Variants in HMGN5 observed in about 807,000 individuals in gnomAD.
HMGN5 encodes the protein high mobility group nucleosome binding domain 5.
HMGN5 carries 4 observed loss-of-function variants against 9.5 expected under a neutral mutation model. The observed-to-expected ratio is 0.42, with a 90% CI of 0.21 to 0.96. The LOEUF is 0.96. Among genes scored for constraint, HMGN5 ranks in the 40% least tolerant of loss-of-function variants. The pLI, the probability that HMGN5 is intolerant of heterozygous loss-of-function variation, is 0.30. For synonymous variants in HMGN5, 55 were observed against 57.1 expected (o/e 0.96, Z 0.16); for missense variants, 192 against 187.5 (o/e 1.02, Z -0.14).
chrX:81,201,570 C>T (rs957253043), intron 1 of HMGN5, among the ~76,000 whole-genome samples, 167 bp downstream of exon 1: 17 of 112,115 alleles, frequency 1.5e-4, no homozygotes, highest in Non-Finnish European at 3.8e-5. Context: ...GAAAACCAAT[C>T]CTGCCATTTC....
At chrX:81,144,793 A>AGAAGAACATAAATGACCTGATGGAGCT (rs2075338936) in intron 1 of HMGN5, among the ~76,000 whole-genome samples, 2 of 112,045 alleles carry the variant, frequency 1.8e-5, no homozygotes, top group Non-Finnish European at 3.8e-5. Context: ...ACCAGTTTAG[A>AGAAGAACATAAATGACCTGATGGAGCT]GAAGAACATA....
At chrX:81,146,164 A>G (rs999295669) in intron 1 of HMGN5, among the ~76,000 whole-genome samples, 6 of 111,921 alleles carry the variant, frequency 5.4e-5, no homozygotes, top group Non-Finnish European at 7.5e-5. Flanking sequence ...AAAGACATCT[A>G]CAGAACTCTC....
chrX:81,141,492 A>AGAGAGAAAG (rs2075329775), intron 1 of HMGN5, among the ~76,000 whole-genome samples: 1 of 47,784 alleles, frequency 2.1e-5, no homozygotes, highest in South Asian at 8.4e-4. Flanking sequence ...GAGAGAGAGA[A>AGAGAGAAAG]AGAGAGAGAG....
intron 1 of HMGN5, among the ~76,000 whole-genome samples, chrX:81,153,635 AT>A (rs2075374809): frequency 2.2e-5 from 1 of 44,556 alleles, no homozygotes; most frequent in African/African-American, 8.8e-5. Context: ...ATATATATAT[AT>A]ATATGTATCT....
intron 1 of HMGN5, among the ~76,000 whole-genome samples, chrX:81,124,545 C>T (rs182856883): frequency 8.9e-6 from 1 of 112,116 alleles, no homozygotes; most frequent in African/African-American, 3.2e-5. Context: ...TTTTTCCCAA[C>T]CACTCCATCA....
At chrX:81,177,670 A>G (rs1668008027) in intron 1 of HMGN5, among the ~76,000 whole-genome samples, 1 of 110,893 alleles carries the variant, frequency 9.0e-6, no homozygotes. Context: ...AAGAAGGTTA[A>G]CAAGGATATC....
intron 1 of HMGN5, among the ~76,000 whole-genome samples, chrX:81,169,979 A>AGGAGGC (rs1439688887): frequency 1.9e-5 from 2 of 103,854 alleles, no homozygotes; most frequent in African/African-American, 3.5e-5. Context: ...ACTTGAACCC[A>AGGAGGC]GGAGGCGGAG....
At chrX:81,167,757 A>T (rs1274119526) in intron 1 of HMGN5, among the ~76,000 whole-genome samples, 2 of 112,132 alleles carry the variant, frequency 1.8e-5, no homozygotes, top group Non-Finnish European at 3.8e-5. Flanking sequence ...AAGTAGAAAC[A>T]TTTGATTTTT....
chrX:81,190,890 T>A lies in HMGN5; in HGVS notation c.-124+10847A>T, dbSNP rs747318683. 1.4e-4 allele frequency among the ~76,000 whole-genome samples: 16 copies of A among 111,613 alleles called. 1 individual carries two copies. The South Asian group carries it at 5.7e-3, about 39-fold the overall frequency. ...GGTCAGTTGACTGTATTAATGTAGGTCTATTTCTAGGCTCTCTAGTCTATT... is the reference window on the plus strand; with the variant it reads ...GGTCAGTTGACTGTATTAATGTAGGACTATTTCTAGGCTCTCTAGTCTATT... On this transcript the variant is annotated intron_variant, in intron 1 of 6. Coordinates refer to ENST00000358130, the MANE Select transcript of HMGN5 (RefSeq NM_030763.3).
intron 1 of HMGN5, among the ~76,000 whole-genome samples, chrX:81,138,025 T>A (rs1011884439): frequency 8.9e-6 from 1 of 111,812 alleles, no homozygotes; most frequent in Non-Finnish European, 1.9e-5. Flanking sequence ...ACTAAACACT[T>A]AAAACATAAT....
chrX:81,133,196 A>G (rs2075302484), intron 1 of HMGN5, among the ~76,000 whole-genome samples: 1 of 111,023 alleles, frequency 9.0e-6, no homozygotes, highest in Admixed American at 9.6e-5. Flanking sequence ...TACGAAATCA[A>G]AAAAAATAAC....
chrX:81,142,181 A>T (rs1244074981), intron 1 of HMGN5, among the ~76,000 whole-genome samples: 1 of 111,894 alleles, frequency 8.9e-6, no homozygotes. Context: ...GGAAAAAAAG[A>T]ATAAATAACC....
chrX:81,132,466 A>G (rs980405736), intron 1 of HMGN5, among the ~76,000 whole-genome samples: 5 of 111,767 alleles, frequency 4.5e-5, no homozygotes, highest in Non-Finnish European at 7.5e-5. Context: ...AAACTATACT[A>G]CAGGGCTAAA....
rs1313659137 is a variant in HMGN5, at chrX:81,114,817, T to G, written c.681A>C (p.Lys227Asn). 2 of 1,162,657 alleles carry G rather than the reference T, an allele frequency of 1.7e-6. No individual in the cohort carries two copies. The highest frequency in any genetic ancestry group is 2.3e-6 in the Non-Finnish European group (2 of 871,539). The change falls in exon 7 of 7, where the codon AAA (lysine) becomes AAC (asparagine). Residue 227 changes from lysine (K) to asparagine (N), a missense_variant. Transcript: ENST00000358130. ...CTCTCTCTTTTTCATCTTCTTTGAC[T>G]TTTACATCTTTCCCCTCTTTTTTAT... ...KGDKKEGKDVKVKEDEKERED... is the reference protein window; with the variant it reads ...KGDKKEGKDVNVKEDEKERED...
chrX:81,171,407 C>T (rs1040458602), intron 1 of HMGN5, among the ~76,000 whole-genome samples: 1 of 111,435 alleles, frequency 9.0e-6, no homozygotes, highest in African/African-American at 3.3e-5. Context: ...CTGAATGTGT[C>T]AGGTAGCAGG....
chrX:81,180,179 C>T lies in HMGN5; in HGVS notation c.-124+21558G>A, dbSNP rs750522927. ...ATGTCTAAAACACCAAAAGCAATGG[C>T]AACAAAAGCCAAAATTGACAAACGG... On this transcript the variant is annotated intron_variant, in intron 1 of 6. Coordinates refer to ENST00000358130, the MANE Select transcript of HMGN5 (RefSeq NM_030763.3). 3.6e-5 allele frequency among the ~76,000 whole-genome samples: 4 copies of T among 111,664 alleles called. No homozygotes were observed. In the East Asian group the frequency reaches 1.1e-3, roughly 31 times the overall value.
At chrX:81,155,640 G>GA (rs977547911) in intron 1 of HMGN5, among the ~76,000 whole-genome samples, 1 of 111,355 alleles carries the variant, frequency 9.0e-6, no homozygotes, top group Non-Finnish European at 1.9e-5. Context: ...TAAGTCGAGT[G>GA]AAAAAAACCA....
chrX:81,170,839 C>T (rs779221897), intron 1 of HMGN5, among the ~76,000 whole-genome samples: 1 of 111,111 alleles, frequency 9.0e-6, no homozygotes, highest in East Asian at 2.9e-4. Flanking sequence ...CTCACTCAAT[C>T]CTTCCAGCAA....
At chrX:81,185,177 T>C (rs2147647090) in intron 1 of HMGN5, among the ~76,000 whole-genome samples, 1 of 112,249 alleles carries the variant, frequency 8.9e-6, no homozygotes, top group East Asian at 2.8e-4. Context: ...CATTGACAGA[T>C]ATTACATTGA....
Sources: allele counts gnomAD v4.1 joint callset (sites outside exome capture counted in the v4.1 genomes callset), GRCh38; gene constraint gnomAD v4.1.1; transcripts MANE v1.5; gene names NCBI Gene and HGNC (gene_info 2026-07-23, HGNC 2026-07-21).